The following GCGR variants were observed in gnomAD, a reference collection of about 807,000 sequenced individuals.
GCGR encodes glucagon receptor.
Under a neutral mutation model 56.1 loss-of-function variants are expected in GCGR, and 41 were observed. The observed-to-expected ratio is 0.73, with a 90% confidence interval of 0.57 to 0.95. The LOEUF is 0.95. Among genes scored for constraint, GCGR ranks in the 40% least tolerant of loss-of-function variants. The probability of loss-of-function intolerance (pLI) is 0.00; values close to 1 mark genes in which losing one functional copy is unlikely to be tolerated. For synonymous variants in GCGR, 278 were observed against 271.1 expected (o/e 1.03, Z -0.25); for missense variants, 595 against 638.2 (o/e 0.93, Z 0.73).
At position 81,813,193 on chromosome 17, in the gene GCGR, C is replaced by T. The variant is rs1010145604; in HGVS notation, c.1218+136C>T. 1.5e-6 allele frequency: 2 copies of T among 1,366,486 alleles called. No individual in the cohort carries two copies. The highest frequency in any genetic ancestry group is 2.0e-6 in the Non-Finnish European group (2 of 995,568). The allele number at this position is 1,366,486 out of a possible 1,614,324, so 84.6% of individuals were successfully genotyped here. A position where few individuals can be genotyped will look rare whatever the true frequency, so the allele number is the denominator to read the frequency against. ...GGGCCCAAGCCTTTCCCTCCCCCTG[C>T]TCTTATTGGGTGCAGTTGCCATGGC... On this transcript the variant is annotated intron_variant, in intron 13 of 13. Transcript: ENST00000400723. The surrounding 1 kb of genome is among the most constrained non-coding windows in gnomAD (Gnocchi z 5.3).
At position 81,811,048 on chromosome 17, in the gene GCGR, G is replaced by T; in HGVS notation, c.310G>T (p.Gly104Cys). 2 of 1,536,208 alleles carry T rather than the reference G, an allele frequency of 1.3e-6. No individual in the cohort carries two copies. Among genetic ancestry groups the T allele is most frequent in the Non-Finnish European group, 1.7e-6 (2 of 1,146,856 alleles). The change falls in exon 5 of 14, where the codon GGT becomes TGT. Residue 104 changes from glycine (G) to cysteine (C), a missense_variant. Gly to Cys is a radical substitution (Grantham distance 159). Transcript: ENST00000400723. This position sits in a 1 kb window ranked among gnomAD's most constrained non-coding sequence, Gnocchi z 5.8. ...CGTGTTCAAGAGATGCGGGCCCGACGGTCAGTGGGTGCGTGGACCCCGGGG... is the reference window on the plus strand; with the variant it reads ...CGTGTTCAAGAGATGCGGGCCCGACTGTCAGTGGGTGCGTGGACCCCGGGG... ...RFVFKRCGPD[G>C]QWVRGPRGQP... is the part of the protein sequence containing the mutation.
Position 81,809,001 on chromosome 17 carries a change from A to C in GCGR, c.-18A>C. The C allele has an allele frequency of 2.0e-6, 3 of 1,535,890 alleles. No individual in the cohort carries two copies. Among genetic ancestry groups the C allele is most frequent in the Non-Finnish European group, 2.6e-6 (3 of 1,146,852 alleles). The stretch of plus-strand genomic sequence containing the variant: ...GCAGCCCCTGCCAGATGTGGGAGGC[A>C]GCTAGCTGCCCAGAGGCATGCCCCC... On this transcript the variant is annotated 5_prime_UTR_variant, in exon 2 of 14. Coordinates refer to ENST00000400723, the MANE Select transcript of GCGR (RefSeq NM_000160.5).
In GCGR at chr17:81,811,640, A is replaced by T. The variant is rs2038101980; in HGVS notation, c.658-11A>T. ...GGCCACGTAGCCGCGCTCACACTGC[A>T]CCTGTACCAGGCGGTGGCTGGCTGC... On this transcript the variant is annotated splice_polypyrimidine_tract_variant and intron_variant, in intron 7 of 13. Transcript: ENST00000400723. The surrounding 1 kb of genome is among the most constrained non-coding windows in gnomAD (Gnocchi z 5.8). 2.0e-6 allele frequency: 3 copies of T among 1,536,128 alleles called. No individual in the cohort carries two copies. The highest frequency in any genetic ancestry group is 2.0e-5 in the Admixed American group (1 of 50,980).
chr17:81,813,086 A>G lies in GCGR; in HGVS notation c.1218+29A>G. ...GGTGGGAGTGGGGGCATCTGAGACC[A>G]TCAGCACTGGCCGTCGGGGTCAGGG... On this transcript the variant is annotated intron_variant, in intron 13 of 13. Transcript: ENST00000400723. The surrounding 1 kb of genome is among the most constrained non-coding windows in gnomAD (Gnocchi z 5.3). 1 of 1,535,354 alleles carries G rather than the reference A, an allele frequency of 6.5e-7. No homozygotes were observed. Among genetic ancestry groups the G allele is most frequent in the Non-Finnish European group, 8.7e-7 (1 of 1,146,754 alleles).
At position 81,806,698 on chromosome 17, in the gene GCGR, A is replaced by T. The variant is rs2037971921; in HGVS notation, c.-177-2144A>T. Reference sequence around the variant, plus strand: ...TCTCTGGCAGAGTTGGGGCAGAGCCAGGCTTGGCCACGCTGGGCTCTAAGG... The same window carrying T: ...TCTCTGGCAGAGTTGGGGCAGAGCCTGGCTTGGCCACGCTGGGCTCTAAGG... On this transcript the variant is annotated intron_variant, in intron 1 of 13. Transcript: ENST00000400723. The surrounding 1 kb of genome is among the most constrained non-coding windows in gnomAD (Gnocchi z 6.5). 1.3e-5 allele frequency among the ~76,000 whole-genome samples: 2 copies of T among 152,112 alleles called. No individual in the cohort carries two copies. The highest frequency in any genetic ancestry group is 4.8e-5 in the African/African-American group (2 of 41,418).
chr17:81,811,317 G>A lies in GCGR; in HGVS notation c.489G>A (p.Leu163=), dbSNP rs1452529545. 2.6e-6 allele frequency: 4 copies of A among 1,535,014 alleles called. No individual in the cohort carries two copies. In the Admixed American group the frequency reaches 5.9e-5, roughly 23 times the overall value. The change falls in exon 6 of 14, where the codon CTG becomes CTA. Residue 163 remains leucine, a synonymous_variant. Transcript: ENST00000400723. This position sits in a 1 kb window ranked among gnomAD's most constrained non-coding sequence, Gnocchi z 5.8. ...LGALLLALAI[L]GGLSKLHCTR... is the part of the protein sequence containing the mutation. ...CCCTGCTCCTCGCCTTGGCCATCCT[G>A]GGGGGCCTCAGGTAGGATTCCGCCA...
At position 81,811,379 on chromosome 17, in the gene GCGR, G is replaced by A. The variant is rs1198839935; in HGVS notation, c.501-25G>A. The stretch of plus-strand genomic sequence containing the variant: ...GGCCGCAGAGGACAGGGAGGAGGAC[G>A]GGCGCTGACTGGCTGTGCCCACAGC... On this transcript the variant is annotated intron_variant, in intron 6 of 13. Transcript: ENST00000400723. The surrounding 1 kb of genome is among the most constrained non-coding windows in gnomAD (Gnocchi z 5.8). 1.2e-5 allele frequency: 19 copies of A among 1,535,872 alleles called. No individual in the cohort carries two copies. In the South Asian group the frequency reaches 1.4e-4, roughly 12 times the overall value.
In GCGR at chr17:81,813,245, T is replaced by G. The variant is rs1180767068; in HGVS notation, c.1218+188T>G. ...CTGGGTGTCAGGCCCCCAGGACAGGTTGGCCTCAGCCCCATCGCTACGGTG... is the reference window on the plus strand; with the variant it reads ...CTGGGTGTCAGGCCCCCAGGACAGGGTGGCCTCAGCCCCATCGCTACGGTG... On this transcript the variant is annotated intron_variant, in intron 13 of 13. Coordinates refer to ENST00000400723, the MANE Select transcript of GCGR (RefSeq NM_000160.5). This position sits in a 1 kb window ranked among gnomAD's most constrained non-coding sequence, Gnocchi z 5.3. Among the ~76,000 whole-genome samples, 1 of 152,146 alleles carries G rather than the reference T, an allele frequency of 6.6e-6. No individual in the cohort carries two copies. The highest frequency in any genetic ancestry group is 1.5e-5 in the Non-Finnish European group (1 of 67,994).
At position 81,813,509 on chromosome 17, in the gene GCGR, G is replaced by A; in HGVS notation, c.1254G>A (p.Trp418Ter). Residue 418 changes from tryptophan to a stop codon, truncating the protein, a stop_gained, in exon 14 of 14, where the codon TGG becomes TGA. Coordinates refer to ENST00000400723, the MANE Select transcript of GCGR (RefSeq NM_000160.5). LOFTEE classifies it low-confidence loss of function (END_TRUNC). The surrounding 1 kb of genome is among the most constrained non-coding windows in gnomAD (Gnocchi z 5.3). ...AGCTGCGGCGGCGTTGGCACCGCTG[G>A]CGCCTGGGCAAAGTGCTATGGGAGG... ...QSELRRRWHR[W>*]RLGKVLWEER... The A allele has an allele frequency of 2.0e-6, 3 of 1,535,746 alleles. No individual in the cohort carries two copies. The highest frequency in any genetic ancestry group is 2.6e-6 in the Non-Finnish European group (3 of 1,146,766).
Position 81,806,718 on chromosome 17 carries a change from C to T in GCGR, c.-177-2124C>T, listed in dbSNP as rs1349807400. The stretch of plus-strand genomic sequence containing the variant: ...GAGCCAGGCTTGGCCACGCTGGGCT[C>T]TAAGGGGCTGTCATTTTGCCCAGGG... On this transcript the variant is annotated intron_variant, in intron 1 of 13. Transcript: ENST00000400723. The surrounding 1 kb of genome is among the most constrained non-coding windows in gnomAD (Gnocchi z 6.5). Among the ~76,000 whole-genome samples, 2 of 152,084 alleles carry T rather than the reference C, an allele frequency of 1.3e-5. No individual in the cohort carries two copies. Among genetic ancestry groups the T allele is most frequent in the African/African-American group, 4.8e-5 (2 of 41,408 alleles).
At chr17:81,809,169 T>TGTCTGTCTGTCTGCCC in intron 2 of GCGR, 91 bp downstream of exon 2, 1 of 1,430,048 alleles carries the variant, frequency 7.0e-7, no homozygotes, top group East Asian at 2.5e-5. Flanking sequence ...CCTGCCTGCC[T>TGTCTGTCTGTCTGCCC]GTCTGCCTGC....
In GCGR at chr17:81,810,944, G is replaced by A. The variant is rs1221260933; in HGVS notation, c.271+12G>A. On this transcript the variant is annotated intron_variant, in intron 4 of 13. Transcript: ENST00000400723. The surrounding 1 kb of genome is among the most constrained non-coding windows in gnomAD (Gnocchi z 4.6). The stretch of plus-strand genomic sequence containing the variant: ...TTGGCACCACAAAGGTACCCATAGA[G>A]GGGAGGAACTGTGGGGGGGGCGGGC... The A allele has an allele frequency of 6.5e-7, 1 of 1,536,416 alleles. No individual in the cohort carries two copies. The highest frequency in any genetic ancestry group is 2.0e-5 in the Admixed American group (1 of 51,002).
In GCGR at chr17:81,811,179, T is replaced by C; in HGVS notation, c.394-43T>C. 1 of 1,535,872 alleles carries C rather than the reference T, an allele frequency of 6.5e-7. No individual in the cohort carries two copies. ...CGGTGGGGCTGGATGGGAACGGGCA[T>C]GGGGGCCCCTGCCTGGCCCTCACAG... On this transcript the variant is annotated intron_variant, in intron 5 of 13. Transcript: ENST00000400723. This position sits in a 1 kb window ranked among gnomAD's most constrained non-coding sequence, Gnocchi z 5.8.
In GCGR at chr17:81,810,128, GGCT is replaced by G. The variant is rs907927334; in HGVS notation, c.163+256_163+258del. 2.1e-5 allele frequency: 12 copies of G among 578,538 alleles called. No individual in the cohort carries two copies. The highest frequency in any genetic ancestry group is 3.8e-5 in the South Asian group (2 of 52,722). The allele number at this position is 578,538 out of a possible 1,614,324, so 35.8% of individuals were successfully genotyped here. On this transcript the variant is annotated intron_variant, in intron 3 of 13. Coordinates refer to ENST00000400723, the MANE Select transcript of GCGR (RefSeq NM_000160.5). This position sits in a 1 kb window ranked among gnomAD's most constrained non-coding sequence, Gnocchi z 4.6. ...AGAACGGTGGCATTGCCCCAGAACC[GGCT>G]GCTGCTGCTGCCCCCAGGCCCAGAT...
At position 81,812,692 on chromosome 17, in the gene GCGR, G is replaced by C. The variant is rs1218879692; in HGVS notation, c.1037+27G>C. On this transcript the variant is annotated intron_variant, in intron 11 of 13. Coordinates refer to ENST00000400723, the MANE Select transcript of GCGR (RefSeq NM_000160.5). This position sits in a 1 kb window ranked among gnomAD's most constrained non-coding sequence, Gnocchi z 8.5. ...TGGGTGCCGCGGCAGCTGGCGTCTC[G>C]AGACCTGGAGACCCTCAGGGCCAGA... The C allele has an allele frequency of 1.5e-5, 23 of 1,530,574 alleles. No homozygotes were observed. The highest frequency in any genetic ancestry group is 3.9e-5 in the Admixed American group (2 of 50,844). The allele number at this position is 1,530,574 out of a possible 1,614,324, so 94.8% of individuals were successfully genotyped here. A position where few individuals can be genotyped will look rare whatever the true frequency, so the allele number is the denominator to read the frequency against.
chr17:81,813,464 C>T lies in GCGR; in HGVS notation c.1219-10C>T, dbSNP rs1215792862. The T allele has an allele frequency of 6.5e-7, 1 of 1,534,156 alleles. No homozygotes were observed. The highest frequency in any genetic ancestry group is 8.7e-7 in the Non-Finnish European group (1 of 1,146,544). ...GCCCTAGGACTGGCCTGCCCCGTCC[C>T]CCTCCCCAGGTGCAGTCGGAGCTGC... On this transcript the variant is annotated splice_polypyrimidine_tract_variant and intron_variant, in intron 13 of 13. Coordinates refer to ENST00000400723, the MANE Select transcript of GCGR (RefSeq NM_000160.5). The surrounding 1 kb of genome is among the most constrained non-coding windows in gnomAD (Gnocchi z 5.3).
In GCGR at chr17:81,808,948, C is replaced by CA; in HGVS notation, c.-71_-70insA. On this transcript the variant is annotated 5_prime_UTR_variant, in exon 2 of 14. Transcript: ENST00000400723. ...AGCTGCCCTCGGAGGAGCGTACACA[C>CA]CCACCAGGACTGCATTGCCCCAGCT... 1 of 1,518,362 alleles carries CA rather than the reference C, an allele frequency of 6.6e-7. No individual in the cohort carries two copies. The allele number at this position is 1,518,362 out of a possible 1,614,324, so 94.1% of individuals were successfully genotyped here.
rs145971484 is a variant in GCGR at position 81,808,059 on chromosome 17, C to T, written c.-177-783C>T. 3.8e-3 allele frequency among the ~76,000 whole-genome samples: 577 copies of T among 152,348 alleles called. 4 individuals are homozygous for T. Among genetic ancestry groups the T allele is most frequent in the African/African-American group, 0.013 (540 of 41,582 alleles). The stretch of plus-strand genomic sequence containing the variant: ...CCAGGAAGCCCAACCGAGCCTTGCA[C>T]GGCACCCACGAGGCACCTAGGCACC... On this transcript the variant is annotated intron_variant, in intron 1 of 13. Transcript: ENST00000400723.
At position 81,806,785 on chromosome 17, in the gene GCGR, TC is replaced by T. The variant is rs368616783; in HGVS notation, c.-177-2049del. 0.97 allele frequency among the ~76,000 whole-genome samples: 139,755 copies of T among 143,678 alleles called. 68,079 individuals carry two copies. Among genetic ancestry groups the T allele is most frequent in the Middle Eastern group, 1 (280 of 280 alleles). 94.3% of individuals were successfully genotyped at this position (143,678 alleles called of 152,430 possible). A position where few individuals can be genotyped will look rare whatever the true frequency, so the allele number is the denominator to read the frequency against. On this transcript the variant is annotated intron_variant, in intron 1 of 13. Transcript: ENST00000400723. This position sits in a 1 kb window ranked among gnomAD's most constrained non-coding sequence, Gnocchi z 6.5. ...GTCCTCCCCCCAGGGTGAGCACGCG[TC>T]CCCCCCCACCCCCACTTCGAGGCGC... is the stretch of plus-strand genomic sequence containing the variant.
Sources: allele counts gnomAD v4.1 joint callset (sites outside exome capture counted in the v4.1 genomes callset), GRCh38; gene constraint gnomAD v4.1.1; non-coding constraint Gnocchi (gnomAD v3.1); transcripts MANE v1.5; gene names NCBI Gene and HGNC (gene_info 2026-07-23, HGNC 2026-07-21).